The following SEMA5A variants were observed in gnomAD, a reference collection of about 807,000 sequenced individuals.
The protein encoded by SEMA5A is semaphorin-5A.
A neutral mutation model predicts 135.5 loss-of-function variants in SEMA5A; 55 were observed. The ratio of observed to expected loss-of-function variants is 0.41; its 90% CI spans 0.33 to 0.51. SEMA5A has a LOEUF of 0.51. SEMA5A is among the 20% of genes least tolerant of loss of function. The pLI is 0.37. For missense variants in SEMA5A, 1,290 were observed against 1,419.9 expected, an observed-to-expected ratio of 0.91 and a Z score of 1.47; for synonymous variants, 580 against 546.5, an observed-to-expected ratio of 1.06 and a Z score of -0.85.
rs552074346 is a variant in SEMA5A, at chr5:9,184,423, A to G, written c.1273+5844T>C. ...TTATTGCAGGGTAATTTTCTCCAAT[A>G]GTGTCTTTGGGCACAAGTTTTTAGC... On this transcript the variant is annotated intron_variant, in intron 11 of 22. Coordinates refer to ENST00000382496, the MANE Select transcript of SEMA5A (RefSeq NM_003966.3). Among the ~76,000 whole-genome samples the G allele has an allele frequency of 2.0e-5, 3 of 152,290 alleles. No individual in the cohort carries two copies. In the East Asian group the frequency reaches 5.8e-4, roughly 29 times the overall value.
chr5:9,197,048 C>G, intron 10 of SEMA5A, 120 bp downstream of exon 10: 1 of 1,386,876 alleles, frequency 7.2e-7, no homozygotes, highest in Non-Finnish European at 9.9e-7. Context: ...CATGAGGGGC[C>G]AGGGAGACAG....
intron 5 of SEMA5A, among the ~76,000 whole-genome samples, chr5:9,303,381 G>A (rs910907009): frequency 6.6e-6 from 1 of 152,220 alleles, no homozygotes; most frequent in East Asian, 1.9e-4. Flanking sequence ...CTCCCAAAGT[G>A]CTGGGAACTT....
chr5:9,297,388 G>C (rs1751392374), intron 5 of SEMA5A, among the ~76,000 whole-genome samples: 1 of 151,816 alleles, frequency 6.6e-6, no homozygotes, highest in African/African-American at 2.4e-5. Context: ...AGGTCACGAG[G>C]GTGACACCTT....
chr5:9,256,126 T>G (rs986911949), intron 5 of SEMA5A, among the ~76,000 whole-genome samples: 1 of 152,242 alleles, frequency 6.6e-6, no homozygotes, highest in East Asian at 1.9e-4. Flanking sequence ...ATGTCCTTCC[T>G]ATAACTTTGT....
At chr5:9,406,170 A>AAG (rs1373554860) in intron 2 of SEMA5A, among the ~76,000 whole-genome samples, 5 of 152,234 alleles carry the variant, frequency 3.3e-5, no homozygotes, top group African/African-American at 1.2e-4. Flanking sequence ...CCGCATGCAC[A>AAG]AGAGCAGTAT....
At chr5:9,170,632 G>T (rs931466347) in intron 11 of SEMA5A, among the ~76,000 whole-genome samples, 3 of 151,978 alleles carry the variant, frequency 2.0e-5, no homozygotes, top group Non-Finnish European at 4.4e-5. Context: ...GCCCTGCCTT[G>T]TCTCTTTCCC....
intron 12 of SEMA5A, among the ~76,000 whole-genome samples, chr5:9,145,930 C>T (rs1742311043): frequency 6.6e-6 from 1 of 152,002 alleles, no homozygotes; most frequent in Admixed American, 6.6e-5. Context: ...CAGGTGTGAG[C>T]CACTGCACCT....
rs1159535305 is a variant in SEMA5A at position 9,037,238 on chromosome 5, G to T, written c.*5659C>A. ...TGCGCCAACACTGTAAAACATGTTT[G>T]CTTGAGCAAGAATTGATATTGACTC... On this transcript the variant is annotated 3_prime_UTR_variant, in exon 23 of 23. Coordinates refer to ENST00000382496, the MANE Select transcript of SEMA5A (RefSeq NM_003966.3). The T allele has an allele frequency of 6.6e-6, 1 of 152,194 alleles. No individual in the cohort carries two copies. 9.4% of individuals were successfully genotyped at this position (152,194 alleles called of 1,614,324 possible).
chr5:9,377,990 G>GA (rs1457189764), intron 3 of SEMA5A, among the ~76,000 whole-genome samples: 4 of 152,162 alleles, frequency 2.6e-5, no homozygotes, highest in Non-Finnish European at 4.4e-5. Flanking sequence ...CTGCTCTCAA[G>GA]AGGCTACACT....
At chr5:9,330,436 TG>T (rs1361099959) in intron 4 of SEMA5A, among the ~76,000 whole-genome samples, 9 of 151,730 alleles carry the variant, frequency 5.9e-5, no homozygotes, top group African/African-American at 2.2e-4. Flanking sequence ...TTTTTGTTTT[TG>T]TTTTTGTTTT....
intron 5 of SEMA5A, among the ~76,000 whole-genome samples, chr5:9,316,312 C>T (rs532633084): frequency 6.6e-6 from 1 of 152,290 alleles, no homozygotes; most frequent in East Asian, 1.9e-4. Context: ...GATTAAGTCA[C>T]TTCTCAAAAA....
chr5:9,173,954 G>GA (rs1744069459), intron 11 of SEMA5A, among the ~76,000 whole-genome samples: 1 of 152,098 alleles, frequency 6.6e-6, no homozygotes, highest in African/African-American at 2.4e-5. Context: ...TTAAACCCCA[G>GA]AAAATACCAT....
chr5:9,534,468 C>T (rs778207326), intron 1 of SEMA5A, among the ~76,000 whole-genome samples: 1 of 152,164 alleles, frequency 6.6e-6, no homozygotes, highest in Non-Finnish European at 1.5e-5. Flanking sequence ...TAAAAGGACT[C>T]TTGATTACAG....
chr5:9,529,491 T>C (rs1171435909), intron 1 of SEMA5A, among the ~76,000 whole-genome samples: 1 of 152,224 alleles, frequency 6.6e-6, no homozygotes, highest in African/African-American at 2.4e-5. Context: ...CATGCTGAGC[T>C]ACAGAGCTGA....
Position 9,042,325 on chromosome 5 carries a change from G to A in SEMA5A, c.*572C>T. The A allele has an allele frequency of 6.5e-6, 1 of 154,150 alleles. No homozygotes were observed. The highest frequency in any genetic ancestry group is 1.4e-5 in the Non-Finnish European group (1 of 69,452). 9.5% of individuals were successfully genotyped at this position (154,150 alleles called of 1,614,324 possible). A position where few individuals can be genotyped will look rare whatever the true frequency, so the allele number is the denominator to read the frequency against. On this transcript the variant is annotated 3_prime_UTR_variant, in exon 23 of 23. Transcript: ENST00000382496. ...TAACTTCTGCCGGTGTGGACCAGGT[G>A]GAATTCCTGGGCTTCCCAGGCAAGA...
At chr5:9,116,487 TAGAGTTATTTTTC>T (rs1334018050) in intron 15 of SEMA5A, among the ~76,000 whole-genome samples, 1 of 152,058 alleles carries the variant, frequency 6.6e-6, no homozygotes, top group Non-Finnish European at 1.5e-5. Flanking sequence ...AAAATTAAGC[TAGAGTTATTTTTC>T]AGAAAAAAAA....
chr5:9,303,230 C>A (rs1751699423), intron 5 of SEMA5A, among the ~76,000 whole-genome samples: 1 of 151,848 alleles, frequency 6.6e-6, no homozygotes, highest in Non-Finnish European at 1.5e-5. Context: ...CATTCTCCTG[C>A]CTCAGCCTCC....
intron 5 of SEMA5A, among the ~76,000 whole-genome samples, chr5:9,270,523 T>C (rs1269846017): frequency 6.6e-6 from 1 of 152,022 alleles, no homozygotes; most frequent in Non-Finnish European, 1.5e-5. Flanking sequence ...CTTTCTAGAT[T>C]CTGGCCAGAA....
intron 1 of SEMA5A, among the ~76,000 whole-genome samples, chr5:9,507,159 A>G (rs1735933106): frequency 6.6e-6 from 1 of 152,226 alleles, no homozygotes; most frequent in Admixed American, 6.5e-5. Flanking sequence ...TCACTGTAAT[A>G]AAGAAGCACC....
Sources: allele counts gnomAD v4.1 joint callset (sites outside exome capture counted in the v4.1 genomes callset), GRCh38; gene constraint gnomAD v4.1.1; transcripts MANE v1.5; gene names NCBI Gene and HGNC (gene_info 2026-07-23, HGNC 2026-07-21).